ACTR3C: variants seen among roughly 807,000 people sequenced by gnomAD.
ACTR3C encodes the protein actin-related protein 3C.
ACTR3C carries 18 observed loss-of-function variants against 26.3 expected under a neutral mutation model. The ratio of observed to expected loss-of-function variants is 0.68; its 90% confidence interval spans 0.47 to 1.01. The LOEUF (loss-of-function observed/expected upper bound fraction) is 1.01, where lower values mean the gene tolerates loss of function less well. Ranked by LOEUF, ACTR3C falls within the 50% of genes least tolerant of loss-of-function variation. ACTR3C has a pLI of 0.00. For synonymous variants in ACTR3C, 55 were observed against 94.5 expected, an observed-to-expected ratio of 0.58 and a Z score of 2.42; for missense variants, 184 against 250.7, an observed-to-expected ratio of 0.73 and a Z score of 1.80.
chr7:150,198,577 C>T, the ACTR3C span, among the ~76,000 whole-genome samples: 6 of 149,112 alleles, frequency 4.0e-5, no homozygotes, highest in Non-Finnish European at 5.9e-5. Flanking sequence ...CCGGCCGCCC[C>T]GTCTGAGAAG....
intron 1 of ACTR3C, among the ~76,000 whole-genome samples, chr7:150,320,038 A>C (rs1797340228): frequency 1.3e-5 from 2 of 151,816 alleles, no homozygotes; most frequent in African/African-American, 4.8e-5. Flanking sequence ...TGAGTAAGAA[A>C]CTCCTTGTTT....
chr7:150,077,924 T>A, the ACTR3C span, among the ~76,000 whole-genome samples: 1 of 152,058 alleles, frequency 6.6e-6, no homozygotes, highest in East Asian at 1.9e-4. Flanking sequence ...GACTATGCAA[T>A]GAGATACAAA....
At chr7:150,251,210 G>A (rs1471226822) in intron 6 of ACTR3C, among the ~76,000 whole-genome samples, 1 of 152,106 alleles carries the variant, frequency 6.6e-6, no homozygotes, top group African/African-American at 2.4e-5. Flanking sequence ...TTCAATGGTC[G>A]TTTATTGTCC....
intron 6 of ACTR3C, among the ~76,000 whole-genome samples, chr7:150,267,280 C>T (rs756152659): frequency 5.9e-5 from 9 of 152,230 alleles, no homozygotes; most frequent in African/African-American, 1.7e-4. Context: ...GTCAGTTACC[C>T]GTGGTCAGCC....
intron 1 of ACTR3C, among the ~76,000 whole-genome samples, chr7:150,303,641 C>T (rs1584973649): frequency 6.6e-6 from 1 of 152,208 alleles, no homozygotes; most frequent in African/African-American, 2.4e-5. Context: ...CACAAACCCT[C>T]CGTCTTCCTC....
chr7:150,223,060 A>G, the ACTR3C span, among the ~76,000 whole-genome samples: 149 of 152,348 alleles, frequency 9.8e-4, no homozygotes, highest in Admixed American at 3.4e-3. Flanking sequence ...GACAGGTTAC[A>G]TTGCCATCAC....
the ACTR3C span, among the ~76,000 whole-genome samples, chr7:149,956,716 G>A: frequency 2.0e-5 from 3 of 151,388 alleles, no homozygotes; most frequent in East Asian, 3.9e-4. Flanking sequence ...AGGCATACAT[G>A]TAGGCTTGGA....
At chr7:150,058,630 G>A in the ACTR3C span, among the ~76,000 whole-genome samples, 4 of 152,144 alleles carry the variant, frequency 2.6e-5, no homozygotes, top group East Asian at 1.9e-4. Context: ...GAAACTATGA[G>A]AAGAGGCCAG....
chr7:150,000,198 A>T, the ACTR3C span, among the ~76,000 whole-genome samples: 1 of 152,130 alleles, frequency 6.6e-6, no homozygotes, highest in Admixed American at 6.5e-5. Context: ...TATGATTTTA[A>T]TTATGAAATA....
the ACTR3C span, among the ~76,000 whole-genome samples, chr7:150,080,527 A>ATGTGTGTG: frequency 2.7e-3 from 384 of 142,654 alleles, 2 homozygotes; most frequent in African/African-American, 9.1e-3. Flanking sequence ...TTGTGTGTGT[A>ATGTGTGTG]TGTGTGTGTG....
chr7:150,094,890 A>G, the ACTR3C span, among the ~76,000 whole-genome samples: 1 of 149,988 alleles, frequency 6.7e-6, no homozygotes, highest in African/African-American at 2.5e-5. Context: ...TGAGAGTCCA[A>G]GAAAACCCTA....
chr7:150,270,965 C>G (rs868157292), intron 6 of ACTR3C, among the ~76,000 whole-genome samples: 1 of 151,948 alleles, frequency 6.6e-6, no homozygotes, highest in Non-Finnish European at 1.5e-5. Flanking sequence ...CCAACAACAA[C>G]CCTCTTATAA....
the ACTR3C span, among the ~76,000 whole-genome samples, chr7:150,116,279 CT>C: frequency 6.6e-6 from 1 of 152,176 alleles, no homozygotes; most frequent in African/African-American, 2.4e-5. Flanking sequence ...AGAATTCCCC[CT>C]GAAGTTGCAC....
chr7:150,085,948 C>A, the ACTR3C span, among the ~76,000 whole-genome samples: 4 of 151,590 alleles, frequency 2.6e-5, no homozygotes, highest in Non-Finnish European at 5.9e-5. Flanking sequence ...AGCAGAGTAG[C>A]TAGCCCATGA....
chr7:150,274,898 G>T lies in ACTR3C; in HGVS notation c.564+9855C>A, dbSNP rs1834745040. On this transcript the variant is annotated intron_variant, in intron 6 of 7. Coordinates refer to ENST00000683684, the MANE Select transcript of ACTR3C (RefSeq NM_001164458.2). The surrounding 1 kb of genome is among the most constrained non-coding windows in gnomAD (Gnocchi z 4.1). ...TGAGAAATCAGCAGATCTCCTGGAT[G>T]ACGTTCTGGCGGTCAGCAGTCTTCT... 6.6e-6 allele frequency among the ~76,000 whole-genome samples: 1 copy of T among 152,234 alleles called. No individual in the cohort carries two copies. The highest frequency in any genetic ancestry group is 2.1e-4 in the South Asian group (1 of 4,836).
At chr7:150,041,441 C>T in the ACTR3C span, 1 of 162,142 alleles carries the variant, frequency 6.2e-6, no homozygotes, top group Non-Finnish European at 1.3e-5. Context: ...ACTTGGACAC[C>T]TAAAACCCAC....
the ACTR3C span, among the ~76,000 whole-genome samples, chr7:149,942,900 G>A: frequency 6.6e-6 from 1 of 151,590 alleles, no homozygotes; most frequent in Non-Finnish European, 1.5e-5. Context: ...GGAATTGAAG[G>A]AACAATTATG....
At chr7:150,259,256 AAGAG>A (rs1249852558) in intron 6 of ACTR3C, among the ~76,000 whole-genome samples, 1 of 151,154 alleles carries the variant, frequency 6.6e-6, no homozygotes. Context: ...AAAGAAAAGA[AAGAG>A]AAAGAAGAAA....
chr7:150,177,355 C>T, the ACTR3C span, among the ~76,000 whole-genome samples: 3 of 150,612 alleles, frequency 2.0e-5, 1 homozygote, highest in African/African-American at 7.5e-5. Context: ...ATCCAGTTGA[C>T]CTTTGAAGAA....
Sources: gnomAD v4.1 joint callset for allele counts (sites outside exome capture counted in the v4.1 genomes callset) on GRCh38, gnomAD v4.1.1 for gene constraint, Gnocchi (gnomAD v3.1) non-coding constraint, MANE v1.5 for transcripts, NCBI Gene and HGNC (gene_info 2026-07-23, HGNC 2026-07-21) for gene names.